FRYL: variants seen among roughly 807,000 people sequenced by gnomAD.
FRYL encodes the protein FRY like transcription coactivator, also known as protein furry homolog-like.
FRYL carries 150 observed loss-of-function variants against 351.2 expected under a neutral mutation model. The ratio of observed to expected loss-of-function variants is 0.43; its 90% CI spans 0.37 to 0.49. The LOEUF (loss-of-function observed/expected upper bound fraction) is 0.49, where lower values mean the gene tolerates loss of function less well. FRYL is among the 20% of genes least tolerant of loss of function. The probability of loss-of-function intolerance (pLI) is 0.00; values close to 1 mark genes in which losing one functional copy is unlikely to be tolerated. For missense variants in FRYL, 3,036 were observed against 3,619.3 expected, an observed-to-expected ratio of 0.84 and a Z score of 4.13; for synonymous variants, 1,153 against 1,257.1, an observed-to-expected ratio of 0.92 and a Z score of 1.75.
chr4:48,606,280 A>G (rs1746817235), intron 10 of FRYL, among the ~76,000 whole-genome samples, 158 bp downstream of exon 10: 1 of 151,952 alleles, frequency 6.6e-6, no homozygotes, highest in African/African-American at 2.4e-5. Flanking sequence ...CTCAAGGAAA[A>G]AAAAAAAATT....
intron 10 of FRYL, 66 bp from the exon 11 acceptor site, chr4:48,605,899 A>G: frequency 1.0e-6 from 1 of 974,462 alleles, no homozygotes; most frequent in Non-Finnish European, 1.6e-6. Flanking sequence ...TTGTAATATC[A>G]CATCATTTTG....
rs565556004 is a variant in FRYL at position 48,726,859 on chromosome 4, A to C, written c.-383-16161T>G. On this transcript the variant is annotated intron_variant, in intron 1 of 63. Coordinates refer to ENST00000358350, the MANE Select transcript of FRYL (RefSeq NM_015030.2). The stretch of plus-strand genomic sequence containing the variant: ...TGAGAAATAATAATCTTTGTGTTTT[A>C]AGCGACTGATAATTGGAGGATTCTT... Among the ~76,000 whole-genome samples, 4 of 152,348 alleles carry C rather than the reference A, an allele frequency of 2.6e-5. No homozygotes were observed. In the South Asian group the frequency reaches 8.3e-4, roughly 32 times the overall value.
At chr4:48,557,162 A>G in intron 34 of FRYL, 44 bp from the exon 35 acceptor site, 1 of 1,543,908 alleles carries the variant, frequency 6.5e-7, no homozygotes, top group Middle Eastern at 1.7e-4. Flanking sequence ...ATGACTGCCT[A>G]TTATAAAAAC....
intron 52 of FRYL, 39 bp downstream of exon 52, chr4:48,527,932 A>C: frequency 7.0e-7 from 1 of 1,425,712 alleles, no homozygotes; most frequent in Admixed American, 2.3e-5. Context: ...GAATAACATG[A>C]TCTTTAAGAC....
At chr4:48,608,851 A>T in intron 9 of FRYL, 136 bp downstream of exon 9, 1 of 652,992 alleles carries the variant, frequency 1.5e-6, no homozygotes, top group Non-Finnish European at 2.8e-6. Flanking sequence ...ACAGAGCAGT[A>T]AAGTAATAAA....
chr4:48,651,288 A>ACT (rs1321673177), intron 3 of FRYL, among the ~76,000 whole-genome samples: 3 of 43,912 alleles, frequency 6.8e-5, no homozygotes, highest in Admixed American at 5.6e-4. Flanking sequence ...TCAGGATCTC[A>ACT]CTGTGTGTGT....
At chr4:48,520,205 T>C (rs758063405) in intron 55 of FRYL, among the ~76,000 whole-genome samples, 12 of 152,204 alleles carry the variant, frequency 7.9e-5, no homozygotes, top group Non-Finnish European at 1.3e-4. Context: ...CTTAGCCATA[T>C]GAGTATGAGC....
intron 3 of FRYL, among the ~76,000 whole-genome samples, chr4:48,650,280 C>A (rs1235294921): frequency 2.0e-5 from 3 of 152,018 alleles, no homozygotes; most frequent in African/African-American, 7.3e-5. Flanking sequence ...TAAACTCATC[C>A]CAACAAAAAT....
rs749872172 is a variant in FRYL at position 48,561,454 on chromosome 4, T to A, written c.3865+14A>T. 6.5e-7 allele frequency: 1 copy of A among 1,528,720 alleles called. No homozygotes were observed. Among genetic ancestry groups the A allele is most frequent in the Admixed American group, 1.9e-5 (1 of 52,278 alleles). The allele number at this position is 1,528,720 out of a possible 1,614,324, so 94.7% of individuals were successfully genotyped here. On this transcript the variant is annotated intron_variant, in intron 33 of 63. Coordinates refer to ENST00000358350, the MANE Select transcript of FRYL (RefSeq NM_015030.2). ...TTGACAAATAGAAACTACTAACCAG[T>A]TCATTGATCATACCTGAGAATATGG...
intron 1 of FRYL, among the ~76,000 whole-genome samples, chr4:48,759,333 A>G (rs1050257552): frequency 1.3e-5 from 2 of 152,322 alleles, no homozygotes; most frequent in East Asian, 3.9e-4. Flanking sequence ...GTAGCAGACA[A>G]GGGTTAAGGT....
At chr4:48,616,852 A>C (rs1749571349) in intron 7 of FRYL, among the ~76,000 whole-genome samples, 1 of 152,224 alleles carries the variant, frequency 6.6e-6, no homozygotes, top group Admixed American at 6.5e-5. Flanking sequence ...GGGCAAAAGT[A>C]AAAGTCCTAT....
intron 3 of FRYL, among the ~76,000 whole-genome samples, chr4:48,673,264 A>G (rs892551073): frequency 1.3e-5 from 2 of 152,250 alleles, no homozygotes; most frequent in African/African-American, 4.8e-5. Context: ...TTCAAAGACT[A>G]ATGCTTAATA....
At position 48,770,057 on chromosome 4, in the gene FRYL, T is replaced by C. The variant is rs114876496; in HGVS notation, c.-384+10021A>G. Among the ~76,000 whole-genome samples the C allele has an allele frequency of 7.6e-3, 1,150 of 152,292 alleles. 8 individuals are homozygous for C. The highest frequency in any genetic ancestry group is 0.026 in the African/African-American group (1,084 of 41,560). ...AGGCATATACAAGAATTTTATCAAA[T>C]TGCATAGAACTGTACACACGCATAT... On this transcript the variant is annotated intron_variant, in intron 1 of 63. Coordinates refer to ENST00000358350, the MANE Select transcript of FRYL (RefSeq NM_015030.2).
intron 38 of FRYL, 168 bp downstream of exon 38, chr4:48,550,424 G>T: frequency 5.4e-6 from 3 of 558,132 alleles, no homozygotes; most frequent in South Asian, 2.8e-5. Flanking sequence ...ACCCAATTAC[G>T]TTGCTTCTTA....
chr4:48,760,814 C>A (rs1283602518), intron 1 of FRYL, among the ~76,000 whole-genome samples: 2 of 152,080 alleles, frequency 1.3e-5, no homozygotes, highest in African/African-American at 4.8e-5. Flanking sequence ...GTAGCTGGGA[C>A]TACAGTCGTG....
At chr4:48,681,720 C>T (rs2149541286) in intron 3 of FRYL, among the ~76,000 whole-genome samples, 1 of 152,140 alleles carries the variant, frequency 6.6e-6, no homozygotes, top group South Asian at 2.1e-4. Context: ...TGATACTTAT[C>T]AATAGTAATG....
In FRYL at chr4:48,602,041, C is replaced by G. The variant is rs774746041; in HGVS notation, c.1014G>C (p.Gln338His). ...TTACCTTTAAATGTGACAAACAGTT[C>G]TGTAGGAAAATATGCCAGTTATTTA... Reference protein sequence around the residue: ...FFLNNWHIFLQNCLSHLKNKD... With the variant: ...FFLNNWHIFLHNCLSHLKNKD... Residue 338 changes from glutamine (Q) to histidine (H), a missense_variant, in exon 13 of 64, where the codon CAG becomes CAC. Around this residue, in one of 7 missense-constraint regions of FRYL, gnomAD observed 457 missense variants for 566.6 expected, o/e 0.81. Coordinates refer to ENST00000358350, the MANE Select transcript of FRYL (RefSeq NM_015030.2). The G allele has an allele frequency of 2.5e-6, 4 of 1,584,382 alleles. No homozygotes were observed. Among genetic ancestry groups the G allele is most frequent in the Non-Finnish European group, 2.6e-6 (3 of 1,154,290 alleles).
chr4:48,753,925 A>C (rs1236023081), intron 1 of FRYL, among the ~76,000 whole-genome samples: 2 of 151,884 alleles, frequency 1.3e-5, no homozygotes, highest in Non-Finnish European at 1.5e-5. Context: ...GCCCTTGCCC[A>C]AAAAAAATGT....
At chr4:48,681,222 A>G (rs1328622474) in intron 3 of FRYL, 1 of 410,470 alleles carries the variant, frequency 2.4e-6, no homozygotes, top group Non-Finnish European at 3.6e-6. Context: ...TTTGTGTCAA[A>G]GAGCAAATAA....
Sources: allele counts gnomAD v4.1 joint callset (sites outside exome capture counted in the v4.1 genomes callset), GRCh38; gene constraint gnomAD v4.1.1; regional missense constraint gnomAD v4.1.1; transcripts MANE v1.5; gene names NCBI Gene and HGNC (gene_info 2026-07-23, HGNC 2026-07-21).